KCNJ9: variants seen among roughly 807,000 people sequenced by gnomAD.
KCNJ9 encodes the protein potassium inwardly rectifying channel subfamily J member 9.
A neutral mutation model predicts 27.9 loss-of-function variants in KCNJ9; 18 were observed. The observed-to-expected ratio is 0.65, with a 90% CI of 0.45 to 0.96. The LOEUF (loss-of-function observed/expected upper bound fraction) is 0.96. Ranked by LOEUF, KCNJ9 falls within the 40% of genes least tolerant of loss-of-function variation. KCNJ9 has a pLI of 0.00. For missense variants in KCNJ9, 324 were observed against 557.5 expected (o/e 0.58, Z 4.22); for synonymous variants, 229 against 248.2 (o/e 0.92, Z 0.73).
Position 160,087,922 on chromosome 1 carries a change from C to A in KCNJ9, c.*105C>A, listed in dbSNP as rs1649812780. On this transcript the variant is annotated 3_prime_UTR_variant, in exon 3 of 3. Coordinates refer to ENST00000368088, the MANE Select transcript of KCNJ9 (RefSeq NM_004983.3). ...GAGGAGGAGGAGGAGGAAGGCAAAG[C>A]CCCTGGAAATGTGCTAAAGTTGGAA... is the stretch of plus-strand genomic sequence containing the variant. 2 of 1,158,746 alleles carry A rather than the reference C, an allele frequency of 1.7e-6. No individual in the cohort carries two copies. The highest frequency in any genetic ancestry group is 5.8e-5 in the East Asian group (2 of 34,746). 71.8% of individuals were successfully genotyped at this position (1,158,746 alleles called of 1,614,324 possible). A position where few individuals can be genotyped will look rare whatever the true frequency, so the allele number is the denominator to read the frequency against.
chr1:160,085,114 G>A (rs1263098739), intron 2 of KCNJ9, among the ~76,000 whole-genome samples: 1 of 152,238 alleles, frequency 6.6e-6, no homozygotes, highest in Non-Finnish European at 1.5e-5. Context: ...GTGGGGCCCT[G>A]GGCCCAGAGG....
rs1474986586 is a variant in KCNJ9, at chr1:160,084,832, G to A, written c.802G>A (p.Asp268Asn). 1 of 1,545,798 alleles carries A rather than the reference G, an allele frequency of 6.5e-7. No individual in the cohort carries two copies. Among genetic ancestry groups the A allele is most frequent in the Non-Finnish European group, 8.7e-7 (1 of 1,144,622 alleles). The stretch of plus-strand genomic sequence containing the variant: ...GGCGTCGCGCCGTGCCCTCGAGAGG[G>A]ACGACTTCGAGATCGTCGTTATCCT... ...WEASRRALER[D>N]DFEIVVILEG... The change falls in exon 2 of 3, where the codon GAC becomes AAC. Residue 268 changes from aspartate to asparagine, a missense_variant. Asp to Asn is a conservative substitution (Grantham distance 23, BLOSUM62 1). Coordinates refer to ENST00000368088, the MANE Select transcript of KCNJ9 (RefSeq NM_004983.3).
Position 160,088,989 on chromosome 1 carries a change from C to G in KCNJ9, c.*1172C>G, listed in dbSNP as rs12062401. The G allele has an allele frequency of 6.6e-6, 1 of 152,198 alleles. No individual in the cohort carries two copies. Among genetic ancestry groups the G allele is most frequent in the African/African-American group, 2.4e-5 (1 of 41,416 alleles). The allele number at this position is 152,198 out of a possible 1,614,324, so 9.4% of individuals were successfully genotyped here. A position where few individuals can be genotyped will look rare whatever the true frequency, so the allele number is the denominator to read the frequency against. ...TCAGGAGTTAGAAATCTCCAGTGTGCGTTGGAATCACCTGGAGGGCTTGGT... is the reference window on the plus strand; with the variant it reads ...TCAGGAGTTAGAAATCTCCAGTGTGGGTTGGAATCACCTGGAGGGCTTGGT... On this transcript the variant is annotated 3_prime_UTR_variant, in exon 3 of 3. Transcript: ENST00000368088.
intron 2 of KCNJ9, among the ~76,000 whole-genome samples, chr1:160,085,840 C>A (rs1357213591): frequency 9.2e-5 from 14 of 152,228 alleles, no homozygotes; most frequent in Admixed American, 9.2e-4. Context: ...GCTGATGCTC[C>A]CTGCCGGCTT....
intron 2 of KCNJ9, among the ~76,000 whole-genome samples, chr1:160,086,583 A>T (rs942805273): frequency 9.2e-5 from 14 of 152,362 alleles, no homozygotes; most frequent in African/African-American, 3.1e-4. Flanking sequence ...TTTAGGCTTT[A>T]AAAAAATCAC....
At chr1:160,086,022 T>C (rs1361844596) in intron 2 of KCNJ9, among the ~76,000 whole-genome samples, 1 of 152,158 alleles carries the variant, frequency 6.6e-6, no homozygotes, top group African/African-American at 2.4e-5. Context: ...TGTCACTCCT[T>C]TTCTGCCAGT....
At chr1:160,086,142 C>T (rs2737703) in intron 2 of KCNJ9, among the ~76,000 whole-genome samples, 50,833 of 152,098 alleles carry the variant, frequency 0.33, 8,646 homozygotes, top group African/African-American at 0.37. Context: ...CCCCAGTGTC[C>T]CTTATGCCTC....
chr1:160,089,074 A>G lies in KCNJ9; in HGVS notation c.*1257A>G, dbSNP rs1649840467. Reference sequence around the variant, plus strand: ...TCTGACCCAAGAGGTGGGGACCAAAACCATGCATTCCTAAGAAGTCCCCAG... The same window carrying G: ...TCTGACCCAAGAGGTGGGGACCAAAGCCATGCATTCCTAAGAAGTCCCCAG... On this transcript the variant is annotated 3_prime_UTR_variant, in exon 3 of 3. Coordinates refer to ENST00000368088, the MANE Select transcript of KCNJ9 (RefSeq NM_004983.3). 6.6e-6 allele frequency: 1 copy of G among 152,166 alleles called. No homozygotes were observed. The highest frequency in any genetic ancestry group is 2.1e-4 in the South Asian group (1 of 4,828). The allele number at this position is 152,166 out of a possible 1,614,324, so 9.4% of individuals were successfully genotyped here.
intron 2 of KCNJ9, 38 bp downstream of exon 2, chr1:160,084,918 A>G: frequency 7.5e-5 from 53 of 708,566 alleles, no homozygotes; most frequent in Non-Finnish European, 9.3e-5. Context: ...GGGTTGGCAG[A>G]GGGTGGGCGG....
chr1:160,084,318 G>T lies in KCNJ9; in HGVS notation c.288G>T (p.Ala96=). 1.2e-6 allele frequency: 2 copies of T among 1,613,512 alleles called. No individual in the cohort carries two copies. The highest frequency in any genetic ancestry group is 1.7e-6 in the Non-Finnish European group (2 of 1,179,974). Residue 96 remains alanine (A), a synonymous_variant, in exon 2 of 3, where the codon GCG becomes GCT. Coordinates refer to ENST00000368088, the MANE Select transcript of KCNJ9 (RefSeq NM_004983.3). ...RGDLEHLEDT[A]WTPCVNNLNG... ...ACCTGGAGCACCTGGAGGACACCGC[G>T]TGGACGCCGTGCGTCAACAACCTCA... is the stretch of plus-strand genomic sequence containing the variant.
intron 1 of KCNJ9, among the ~76,000 whole-genome samples, chr1:160,083,469 T>A (rs1649716583): frequency 6.6e-6 from 1 of 152,256 alleles, no homozygotes; most frequent in South Asian, 2.1e-4. Flanking sequence ...GTGGCTGCAC[T>A]GGCTACAGCT....
chr1:160,082,343 C>A (rs1053453107), intron 1 of KCNJ9, among the ~76,000 whole-genome samples: 1 of 152,222 alleles, frequency 6.6e-6, no homozygotes, highest in Non-Finnish European at 1.5e-5. Context: ...GAAAAGGAAG[C>A]CCATTGTTGG....
chr1:160,084,783 C>A lies in KCNJ9; in HGVS notation c.753C>A (p.Ile251=), dbSNP rs1031431020. The change falls in exon 2 of 3, where the codon ATC becomes ATA. Residue 251 remains isoleucine (I), a synonymous_variant. Coordinates refer to ENST00000368088, the MANE Select transcript of KCNJ9 (RefSeq NM_004983.3). ...LVSPLVISHE[I]DAASPFWEAS... is the part of the protein sequence containing the mutation. ...CGCCGCTGGTTATCAGCCACGAGAT[C>A]GACGCCGCCAGCCCCTTCTGGGAGG... 156 of 1,555,390 alleles carry A rather than the reference C, an allele frequency of 1.0e-4. 1 individual carries two copies. Among genetic ancestry groups the A allele is most frequent in the African/African-American group, 1.8e-4 (13 of 73,310 alleles).
At chr1:160,085,777 A>G (rs1283126421) in intron 2 of KCNJ9, among the ~76,000 whole-genome samples, 1 of 152,208 alleles carries the variant, frequency 6.6e-6, no homozygotes, top group Non-Finnish European at 1.5e-5. Context: ...CTGCGGGTGG[A>G]GGACCAAAGG....
chr1:160,087,883 C>T lies in KCNJ9; in HGVS notation c.*66C>T, dbSNP rs916206223. 8 of 1,341,702 alleles carry T rather than the reference C, an allele frequency of 6.0e-6. No individual in the cohort carries two copies. Among genetic ancestry groups the T allele is most frequent in the South Asian group, 2.0e-5 (1 of 50,862 alleles). The allele number at this position is 1,341,702 out of a possible 1,614,324, so 83.1% of individuals were successfully genotyped here. A position where few individuals can be genotyped will look rare whatever the true frequency, so the allele number is the denominator to read the frequency against. ...CACAGATACATGGGGAACTGCATAT[C>T]GGAGGTGGTGGAGGAGGAGGAGGAG... On this transcript the variant is annotated 3_prime_UTR_variant, in exon 3 of 3. Coordinates refer to ENST00000368088, the MANE Select transcript of KCNJ9 (RefSeq NM_004983.3).
chr1:160,085,980 A>C (rs1649771052), intron 2 of KCNJ9, among the ~76,000 whole-genome samples: 2 of 149,178 alleles, frequency 1.3e-5, no homozygotes, highest in African/African-American at 2.5e-5. Context: ...CTCTTCCCCC[A>C]CTCACCCCGT....
chr1:160,084,050 C>A lies in KCNJ9; in HGVS notation c.20C>A (p.Ala7Asp). 1 of 1,519,286 alleles carries A rather than the reference C, an allele frequency of 6.6e-7. No individual in the cohort carries two copies. Among genetic ancestry groups the A allele is most frequent in the East Asian group, 2.5e-5 (1 of 40,206 alleles). The allele number at this position is 1,519,286 out of a possible 1,614,324, so 94.1% of individuals were successfully genotyped here. MAQENA[A>D]FSPGQEEPPR... ...GCCGCCATGGCGCAGGAGAACGCGG[C>A]CTTCTCGCCCGGGCAGGAGGAGCCG... is the stretch of plus-strand genomic sequence containing the variant. The change falls in exon 2 of 3, where the codon GCC (alanine) becomes GAC (aspartate). Residue 7 changes from alanine (A) to aspartate (D), a missense_variant. Transcript: ENST00000368088.
At position 160,083,184 on chromosome 1, in the gene KCNJ9, G is replaced by A. The variant is rs531202340; in HGVS notation, c.-114-733G>A. Among the ~76,000 whole-genome samples, 21 of 152,074 alleles carry A rather than the reference G, an allele frequency of 1.4e-4. 1 individual carries two copies. The highest frequency in any genetic ancestry group is 7.2e-4 in the Admixed American group (11 of 15,274). On this transcript the variant is annotated intron_variant, in intron 1 of 2. Transcript: ENST00000368088. ...CCCATTTGCAGGCTGTCTCCACTAG[G>A]AGAAAAAACCCAAGGGAAATGAGGC...
chr1:160,088,170 A>G lies in KCNJ9; in HGVS notation c.*353A>G, dbSNP rs1649818984. On this transcript the variant is annotated 3_prime_UTR_variant, in exon 3 of 3. Coordinates refer to ENST00000368088, the MANE Select transcript of KCNJ9 (RefSeq NM_004983.3). Reference sequence around the variant, plus strand: ...GACAGATACATAGATGGACCAGTAGACAACTGGTCCACTCAGGGCTGCCAC... The same window carrying G: ...GACAGATACATAGATGGACCAGTAGGCAACTGGTCCACTCAGGGCTGCCAC... The G allele has an allele frequency of 4.2e-6, 1 of 236,766 alleles. No individual in the cohort carries two copies. The highest frequency in any genetic ancestry group is 8.1e-6 in the Non-Finnish European group (1 of 123,226). The allele number at this position is 236,766 out of a possible 1,614,324, so 14.7% of individuals were successfully genotyped here.
Sources: allele counts gnomAD v4.1 joint callset (sites outside exome capture counted in the v4.1 genomes callset), GRCh38; gene constraint gnomAD v4.1.1; transcripts MANE v1.5; gene names NCBI Gene and HGNC (gene_info 2026-07-23, HGNC 2026-07-21).